AGO2: variants seen among roughly 807,000 people sequenced by gnomAD.
AGO2 encodes the protein argonaute RISC catalytic component 2, also known as protein argonaute-2.
Under a neutral mutation model 102.3 loss-of-function variants are expected in AGO2, and 5 were observed. The ratio of observed to expected loss-of-function variants is 0.05; its 90% confidence interval spans 0.03 to 0.10. The LOEUF (loss-of-function observed/expected upper bound fraction) is 0.10, where lower values mean the gene tolerates loss of function less well. Ranked by LOEUF, AGO2 falls within the 10% of genes least tolerant of loss-of-function variation. The pLI, the probability that AGO2 is intolerant of heterozygous loss-of-function variation, is 1.00. For missense variants in AGO2, 541 were observed against 1,183.7 expected, an observed-to-expected ratio of 0.46 and a Z score of 7.97; for synonymous variants, 449 against 473.1, an observed-to-expected ratio of 0.95 and a Z score of 0.66.
At chr8:140,609,261 T>C (rs1174097277) in intron 1 of AGO2, among the ~76,000 whole-genome samples, 1 of 152,200 alleles carries the variant, frequency 6.6e-6, no homozygotes, top group Non-Finnish European at 1.5e-5. Flanking sequence ...TGAGCCAATC[T>C]TGGAAAGAAG....
chr8:140,523,124 T>C lies in AGO2; in HGVS notation c.*8920A>G, dbSNP rs1209291216. ...AAACTGCCAATTCACAAAACAGCAC[T>C]GCATGGTTTCTATATTGCAAGCACA... On this transcript the variant is annotated 3_prime_UTR_variant, in exon 19 of 19. Transcript: ENST00000220592. 1 of 152,188 alleles carries C rather than the reference T, an allele frequency of 6.6e-6. No individual in the cohort carries two copies. Among genetic ancestry groups the C allele is most frequent in the African/African-American group, 2.4e-5 (1 of 41,446 alleles). 9.4% of individuals were successfully genotyped at this position (152,188 alleles called of 1,614,324 possible).
At chr8:140,574,395 G>A (rs975177182) in intron 2 of AGO2, among the ~76,000 whole-genome samples, 26 of 151,862 alleles carry the variant, frequency 1.7e-4, no homozygotes, top group Non-Finnish European at 2.8e-4. Context: ...CCAAGCGGCC[G>A]GAACTACACG....
At chr8:140,542,573 G>GAAA (rs199982320) in intron 14 of AGO2, among the ~76,000 whole-genome samples, 2 of 101,724 alleles carry the variant, frequency 2.0e-5, no homozygotes, top group African/African-American at 3.2e-5. Flanking sequence ...CTGAAAACTT[G>GAAA]AAAAAAAAAA....
At chr8:140,571,447 G>A (rs1006035504) in intron 3 of AGO2, among the ~76,000 whole-genome samples, 1 of 152,218 alleles carries the variant, frequency 6.6e-6, no homozygotes, top group African/African-American at 2.4e-5. Context: ...TACAGCAAGC[G>A]TGATTGCACC....
chr8:140,556,388 G>A (rs2271736), intron 8 of AGO2, 102 bp from the exon 9 acceptor site: 569,505 of 1,456,148 alleles, frequency 0.39, 113,162 homozygotes, highest in East Asian at 0.54. Flanking sequence ...GCTTGGGACC[G>A]TCTCTGCCTC....
chr8:140,538,022 G>GT (rs2072727454), intron 16 of AGO2, among the ~76,000 whole-genome samples: 1 of 152,082 alleles, frequency 6.6e-6, no homozygotes, highest in African/African-American at 2.4e-5. Flanking sequence ...GTTTCGCCAT[G>GT]TTGGCCAGGC....
At chr8:140,630,806 T>C (rs2074332378) in intron 1 of AGO2, among the ~76,000 whole-genome samples, 1 of 152,246 alleles carries the variant, frequency 6.6e-6, no homozygotes, top group Admixed American at 6.5e-5. Flanking sequence ...AGGATTCTGC[T>C]GCAACTGAAA....
intron 3 of AGO2, among the ~76,000 whole-genome samples, chr8:140,570,643 C>A (rs1193520206): frequency 6.6e-6 from 1 of 152,292 alleles, no homozygotes; most frequent in African/African-American, 2.4e-5. Flanking sequence ...GGCACAGGCA[C>A]CGGACGGGGA....
chr8:140,540,751 C>T lies in AGO2; in HGVS notation c.2034+413G>A, dbSNP rs1464080855. Reference sequence around the variant, plus strand: ...CATCCTTCTGGCCCTGCCTCCACACCTCTCACACTGCAGACAGGCGTCCCC... The same window carrying T: ...CATCCTTCTGGCCCTGCCTCCACACTTCTCACACTGCAGACAGGCGTCCCC... On this transcript the variant is annotated intron_variant, in intron 15 of 18. Transcript: ENST00000220592. This position sits in a 1 kb window ranked among gnomAD's most constrained non-coding sequence, Gnocchi z 5.0. Among the ~76,000 whole-genome samples the T allele has an allele frequency of 6.6e-6, 1 of 152,182 alleles. No individual in the cohort carries two copies. Among genetic ancestry groups the T allele is most frequent in the Non-Finnish European group, 1.5e-5 (1 of 68,022 alleles).
At chr8:140,564,588 A>G (rs1588461866) in intron 3 of AGO2, among the ~76,000 whole-genome samples, 1 of 152,338 alleles carries the variant, frequency 6.6e-6, no homozygotes, top group Middle Eastern at 3.4e-3. Flanking sequence ...TGAAAAGTAG[A>G]CATATTTTCT....
At chr8:140,570,879 T>C (rs1267018705) in intron 3 of AGO2, among the ~76,000 whole-genome samples, 3 of 152,196 alleles carry the variant, frequency 2.0e-5, no homozygotes, top group Admixed American at 6.5e-5. Context: ...AAATACCATA[T>C]AGACGCCCTC....
intron 1 of AGO2, among the ~76,000 whole-genome samples, chr8:140,616,315 C>A (rs980798483): frequency 2.6e-5 from 4 of 152,194 alleles, no homozygotes; most frequent in African/African-American, 9.7e-5. Flanking sequence ...CAGCCATTAT[C>A]GCAACAGCGA....
rs2073161217 is a variant in AGO2 at position 140,559,517 on chromosome 8, G to A, written c.668C>T (p.Ala223Val). ...MMLNIDVSAT[A>V]FYKAQPVIEF... ...GATTACTGGCTGTGCCTTGTAAAACGCTGTTGCTGACACTGTAGGCGAGAA... is the reference window on the plus strand; with the variant it reads ...GATTACTGGCTGTGCCTTGTAAAACACTGTTGCTGACACTGTAGGCGAGAA... The change falls in exon 6 of 19, where the codon GCG becomes GTG. Residue 223 changes from alanine (A) to valine (V), a missense_variant. Around this residue, in one of 6 missense-constraint regions of AGO2, gnomAD observed 21 missense variants for 105.0 expected, o/e 0.20. Coordinates refer to ENST00000220592, the MANE Select transcript of AGO2 (RefSeq NM_012154.5). The A allele has an allele frequency of 6.2e-7, 1 of 1,614,036 alleles. No homozygotes were observed. Among genetic ancestry groups the A allele is most frequent in the African/African-American group, 1.3e-5 (1 of 74,932 alleles).
chr8:140,641,517 G>T, the AGO2 span, among the ~76,000 whole-genome samples: 1 of 152,120 alleles, frequency 6.6e-6, no homozygotes, highest in Non-Finnish European at 1.5e-5. Flanking sequence ...GTTTAGCAAA[G>T]ATTTTGGCTG....
At chr8:140,635,043 C>A (rs1292386227) in intron 1 of AGO2, among the ~76,000 whole-genome samples, 1 of 149,796 alleles carries the variant, frequency 6.7e-6, no homozygotes, top group Non-Finnish European at 1.5e-5. Context: ...CAGGGTCAGG[C>A]CGGGCCGGGC....
At chr8:140,574,908 A>G (rs1045904911) in intron 2 of AGO2, among the ~76,000 whole-genome samples, 3 of 151,844 alleles carry the variant, frequency 2.0e-5, no homozygotes, top group Non-Finnish European at 2.9e-5. Flanking sequence ...GAACCTGCCA[A>G]CTCCTTCCAT....
At chr8:140,640,194 G>A (rs1426405023), upstream of AGO2, among the ~76,000 whole-genome samples, 3 of 152,104 alleles carry the variant, frequency 2.0e-5, no homozygotes, top group African/African-American at 7.2e-5. Flanking sequence ...ATTTTTAGTA[G>A]AGATGGGGTT....
chr8:140,635,988 G>C (rs1433630685), upstream of AGO2, among the ~76,000 whole-genome samples: 1 of 150,802 alleles, frequency 6.6e-6, no homozygotes, highest in Non-Finnish European at 1.5e-5. Flanking sequence ...GCGTCTTCCC[G>C]ACGGGGAGGA....
In AGO2 at chr8:140,532,319, G is replaced by A. The variant is rs535806194; in HGVS notation, c.2471+97C>T. On this transcript the variant is annotated intron_variant, in intron 18 of 18. Coordinates refer to ENST00000220592, the MANE Select transcript of AGO2 (RefSeq NM_012154.5). ...GCCTTCTGGGGTGCCGGCTCCAGCC[G>A]CTGGGGCCCTGCCCCTTCCCCTTCC... 1.4e-5 allele frequency: 21 copies of A among 1,471,478 alleles called. No homozygotes were observed. In the African/African-American group the frequency reaches 1.8e-4, roughly 13 times the overall value. 91.2% of individuals were successfully genotyped at this position (1,471,478 alleles called of 1,614,324 possible).
Sources: allele counts gnomAD v4.1 joint callset (sites outside exome capture counted in the v4.1 genomes callset), GRCh38; gene constraint gnomAD v4.1.1; regional missense constraint gnomAD v4.1.1; non-coding constraint Gnocchi (gnomAD v3.1); transcripts MANE v1.5; gene names NCBI Gene and HGNC (gene_info 2026-07-23, HGNC 2026-07-21).